Variants in EEFSEC observed in about 807,000 individuals in gnomAD.
EEFSEC encodes eukaryotic elongation factor, selenocysteine-tRNA specific.
EEFSEC carries 43 observed loss-of-function variants against 42.1 expected under a neutral mutation model. The observed-to-expected ratio is 1.02, with a 90% CI of 0.80 to 1.32. The LOEUF (loss-of-function observed/expected upper bound fraction) is 1.32, where lower values mean the gene tolerates loss of function less well. Ranked by LOEUF, EEFSEC falls within the 40% of genes most tolerant of loss-of-function variation. EEFSEC has a pLI of 0.00. For synonymous variants in EEFSEC, 354 were observed against 339.1 expected, an observed-to-expected ratio of 1.04 and a Z score of -0.48; for missense variants, 745 against 803.6, an observed-to-expected ratio of 0.93 and a Z score of 0.88.
At chr3:128,396,265 C>T (rs536778427) in intron 6 of EEFSEC, among the ~76,000 whole-genome samples, 1 of 152,200 alleles carries the variant, frequency 6.6e-6, no homozygotes, top group Admixed American at 6.5e-5. Flanking sequence ...AGAGAGACAG[C>T]CCCTTCCTCT....
intron 4 of EEFSEC, among the ~76,000 whole-genome samples, chr3:128,297,770 T>TGA (rs1651775241): frequency 1.3e-5 from 2 of 152,024 alleles, no homozygotes. Context: ...ATCAACATGT[T>TGA]GTTATAAAAT....
At chr3:128,403,953 G>C (rs1051593203) in intron 6 of EEFSEC, among the ~76,000 whole-genome samples, 1 of 152,180 alleles carries the variant, frequency 6.6e-6, no homozygotes, top group Non-Finnish European at 1.5e-5. Context: ...ATGGGAGCTG[G>C]GCCCTGGTCT....
chr3:128,242,613 AAATTACACCTCACAGAT>A (rs2066083734), intron 1 of EEFSEC, among the ~76,000 whole-genome samples: 1 of 152,220 alleles, frequency 6.6e-6, no homozygotes. Context: ...CCCAAAAGGA[AAATTACACCTCACAGAT>A]AACTTATGCT....
At chr3:128,252,107 C>G (rs2066193514) in intron 2 of EEFSEC, among the ~76,000 whole-genome samples, 1 of 152,298 alleles carries the variant, frequency 6.6e-6, no homozygotes, top group African/African-American at 2.4e-5. Flanking sequence ...CCCCAGACTC[C>G]CTTTGTGTTT....
chr3:128,240,707 G>A (rs1018782242), intron 1 of EEFSEC, among the ~76,000 whole-genome samples: 2 of 152,236 alleles, frequency 1.3e-5, no homozygotes, highest in African/African-American at 4.8e-5. Flanking sequence ...AGAATGGGCT[G>A]CAATGTGACT....
intron 6 of EEFSEC, among the ~76,000 whole-genome samples, chr3:128,398,115 A>C (rs957986514): frequency 6.6e-6 from 1 of 152,194 alleles, no homozygotes; most frequent in Non-Finnish European, 1.5e-5. Flanking sequence ...TGAGGTCACC[A>C]ATACTGCCCC....
chr3:128,173,457 T>C (rs1454576745), intron 1 of EEFSEC, among the ~76,000 whole-genome samples: 1 of 152,208 alleles, frequency 6.6e-6, no homozygotes, highest in African/African-American at 2.4e-5. Context: ...TGAGAATTCC[T>C]GCAATGAACG....
At chr3:128,394,486 ATT>A (rs35454237) in intron 6 of EEFSEC, among the ~76,000 whole-genome samples, 1 of 150,936 alleles carries the variant, frequency 6.6e-6, no homozygotes, top group Non-Finnish European at 1.5e-5. Context: ...TAATATGTGG[ATT>A]TTTTTTTTAA....
chr3:128,162,534 C>T (rs963750512), intron 1 of EEFSEC, among the ~76,000 whole-genome samples: 1 of 152,202 alleles, frequency 6.6e-6, no homozygotes. Context: ...CTTCTCTTGG[C>T]GCTGGACAGC....
chr3:128,358,123 A>C, intron 5 of EEFSEC, 94 bp from the exon 6 acceptor site: 2 of 1,505,034 alleles, frequency 1.3e-6, no homozygotes, highest in Non-Finnish European at 1.8e-6. Context: ...AGCCATGCCT[A>C]GGGCCCGGGA....
chr3:128,206,626 A>G (rs1467916689), intron 1 of EEFSEC, among the ~76,000 whole-genome samples: 1 of 152,206 alleles, frequency 6.6e-6, no homozygotes, highest in African/African-American at 2.4e-5. Flanking sequence ...ATCTGTGTGA[A>G]GAGGTGAAAA....
intron 6 of EEFSEC, among the ~76,000 whole-genome samples, chr3:128,374,749 A>G (rs1432314777): frequency 6.6e-6 from 1 of 152,240 alleles, no homozygotes; most frequent in East Asian, 1.9e-4. Flanking sequence ...ATTATATATA[A>G]TAATATAATT....
chr3:128,162,392 A>C (rs575690995), intron 1 of EEFSEC, among the ~76,000 whole-genome samples: 1 of 152,348 alleles, frequency 6.6e-6, no homozygotes, highest in East Asian at 1.9e-4. Context: ...ACTAAAGTGT[A>C]CCACTATTCA....
intron 4 of EEFSEC, among the ~76,000 whole-genome samples, chr3:128,329,766 G>T (rs2067106024): frequency 6.6e-6 from 1 of 152,208 alleles, no homozygotes; most frequent in Non-Finnish European, 1.5e-5. Flanking sequence ...CTGCCCTGAG[G>T]GGCGGGAGCT....
intron 1 of EEFSEC, among the ~76,000 whole-genome samples, chr3:128,166,168 C>T (rs2065240905): frequency 6.6e-6 from 1 of 152,354 alleles, no homozygotes; most frequent in African/African-American, 2.4e-5. Context: ...AAGTAGACCA[C>T]AGGAAGACTG....
intron 2 of EEFSEC, 152 bp downstream of exon 2, chr3:128,247,195 C>A: frequency 1.3e-6 from 1 of 798,276 alleles, no homozygotes; most frequent in Non-Finnish European, 2.0e-6. Context: ...ATAAGGGCTG[C>A]ATTAAATGAG....
chr3:128,421,748 G>A, the EEFSEC span, among the ~76,000 whole-genome samples: 6,715 of 152,250 alleles, frequency 0.044, 493 homozygotes, highest in African/African-American at 0.15. Context: ...CAGGACTGAG[G>A]GGCCCCCTGA....
intron 4 of EEFSEC, among the ~76,000 whole-genome samples, chr3:128,292,753 T>A (rs188748152): frequency 3.3e-5 from 5 of 151,972 alleles, no homozygotes; most frequent in Non-Finnish European, 7.4e-5. Flanking sequence ...ATAACCAGCT[T>A]TTGGCTTTGT....
At chr3:128,247,821 G>T (rs2066143502) in intron 2 of EEFSEC, among the ~76,000 whole-genome samples, 1 of 152,168 alleles carries the variant, frequency 6.6e-6, no homozygotes, top group Non-Finnish European at 1.5e-5. Context: ...GAGCAGCAGA[G>T]GCTACTGAAC....
Sources: allele counts gnomAD v4.1 joint callset (sites outside exome capture counted in the v4.1 genomes callset), GRCh38; gene constraint gnomAD v4.1.1; transcripts MANE v1.5; gene names NCBI Gene and HGNC (gene_info 2026-07-23, HGNC 2026-07-21).